Variants in JAK1 observed in about 807,000 individuals in gnomAD.
JAK1 encodes tyrosine-protein kinase JAK1.
Under a neutral mutation model 136.6 loss-of-function variants are expected in JAK1, and 16 were observed. That is an observed-to-expected ratio of 0.12 (90% CI 0.08 to 0.18). The LOEUF (loss-of-function observed/expected upper bound fraction) is 0.18, where lower values mean the gene tolerates loss of function less well. Among genes scored for constraint, JAK1 ranks in the 10% least tolerant of loss-of-function variants. The pLI is 1.00. For missense variants in JAK1, 859 were observed against 1,450.1 expected, an observed-to-expected ratio of 0.59 and a Z score of 6.62; for synonymous variants, 492 against 519.5, an observed-to-expected ratio of 0.95 and a Z score of 0.72.
intron 2 of JAK1, among the ~76,000 whole-genome samples, chr1:65,038,431 T>C (rs942537767): frequency 1.3e-5 from 2 of 151,942 alleles, no homozygotes; most frequent in Non-Finnish European, 2.9e-5. Context: ...ACTCCCGACC[T>C]CAGGTGATCT....
At chr1:64,853,647 C>G (rs891183178) in intron 11 of JAK1, among the ~76,000 whole-genome samples, 2 of 152,200 alleles carry the variant, frequency 1.3e-5, no homozygotes, top group African/African-American at 2.4e-5. Context: ...CTTACCATCT[C>G]AAGTCTCAAT....
chr1:64,973,187 A>AAAAGAAAGAAAGAAAGAAAAAG (rs144209441), intron 2 of JAK1: 1 of 147,174 alleles, frequency 6.8e-6, no homozygotes, highest in African/African-American at 2.6e-5. Flanking sequence ...GAAAGAAAGA[A>AAAAGAAAGAAAGAAAGAAAAAG]AAAGAAAGAA....
intron 1 of JAK1, among the ~76,000 whole-genome samples, chr1:64,901,372 T>C (rs921866551): frequency 6.6e-6 from 1 of 152,248 alleles, no homozygotes; most frequent in African/African-American, 2.4e-5. Context: ...TCTTATTTTC[T>C]ATTCTCTCCC....
intron 1 of JAK1, among the ~76,000 whole-genome samples, chr1:64,894,206 T>A (rs1034160048): frequency 6.6e-6 from 1 of 152,156 alleles, no homozygotes; most frequent in Admixed American, 6.5e-5. Context: ...CCATGAATGA[T>A]CTCAAGCCAC....
intron 8 of JAK1, 32 bp from the exon 9 acceptor site, chr1:64,860,294 A>C: frequency 6.4e-7 from 1 of 1,569,362 alleles, no homozygotes; most frequent in Non-Finnish European, 8.7e-7. Context: ...CCACGGTTAC[A>C]TCATGTCTCT....
intron 1 of JAK1, among the ~76,000 whole-genome samples, chr1:64,960,044 G>A (rs55795749): frequency 3.3e-5 from 5 of 152,180 alleles, no homozygotes; most frequent in Non-Finnish European, 5.9e-5. Flanking sequence ...CTGAATAACA[G>A]AATGAAACCT....
intron 2 of JAK1, chr1:64,973,602 C>G (rs1055618158): frequency 2.2e-5 from 3 of 138,968 alleles, no homozygotes; most frequent in Non-Finnish European, 4.6e-5. Context: ...TTAACAATCC[C>G]TTCCCTCGTC....
chr1:64,860,405 A>G (rs1656214342), intron 8 of JAK1, 143 bp from the exon 9 acceptor site: 2 of 388,668 alleles, frequency 5.1e-6, no homozygotes, highest in Non-Finnish European at 9.2e-6. Flanking sequence ...AATACTAAAT[A>G]TACCCCTTGC....
intron 2 of JAK1, among the ~76,000 whole-genome samples, chr1:65,012,691 C>T (rs1646858943): frequency 3.3e-5 from 5 of 151,564 alleles, no homozygotes; most frequent in Admixed American, 3.3e-4. Context: ...ACTGGGGAGG[C>T]TGAGGCAGGA....
intron 11 of JAK1, among the ~76,000 whole-genome samples, chr1:64,852,798 G>GC (rs1238375269): frequency 6.6e-6 from 1 of 152,190 alleles, no homozygotes; most frequent in Admixed American, 6.5e-5. Flanking sequence ...ATGGGATGAC[G>GC]CAAGGGAACG....
chr1:64,859,132 C>T (rs1022625864), intron 9 of JAK1, among the ~76,000 whole-genome samples: 4 of 152,218 alleles, frequency 2.6e-5, no homozygotes, highest in African/African-American at 9.6e-5. Context: ...TACCTGTCCA[C>T]AAGGCAGCCG....
chr1:64,862,206 TG>T (rs1472918282), intron 8 of JAK1, among the ~76,000 whole-genome samples: 1 of 152,192 alleles, frequency 6.6e-6, no homozygotes, highest in Non-Finnish European at 1.5e-5. Context: ...CCAGCTGCTC[TG>T]GGTTCAAATC....
intron 2 of JAK1, among the ~76,000 whole-genome samples, chr1:64,981,782 A>G (rs1215170275): frequency 1.3e-5 from 2 of 152,184 alleles, no homozygotes; most frequent in Non-Finnish European, 2.9e-5. Flanking sequence ...ACACTATTAC[A>G]CAGCAGGAAC....
At chr1:64,866,378 A>C (rs1299805447) in intron 7 of JAK1, among the ~76,000 whole-genome samples, 2 of 152,204 alleles carry the variant, frequency 1.3e-5, no homozygotes, top group African/African-American at 4.8e-5. Flanking sequence ...AGCTCCCATA[A>C]AGCAAAATCA....
At chr1:64,867,264 G>T in intron 6 of JAK1, 56 bp from the exon 7 acceptor site, 1 of 1,296,730 alleles carries the variant, frequency 7.7e-7, no homozygotes, top group Non-Finnish European at 1.1e-6. Flanking sequence ...GGAGAAAATA[G>T]TTTAGAAACA....
In JAK1 at chr1:64,984,550, C is replaced by A; in HGVS notation, c.-78+59930G>T. On this transcript the variant is annotated intron_variant, in intron 2 of 25. Coordinates refer to the JAK1 transcript ENST00000671954. The surrounding 1 kb of genome is among the most constrained non-coding windows in gnomAD (Gnocchi z 4.1). ...TGGGTTCATCCTTATGAGGTCTCTC[C>A]CTCATTCAGGGAGGTGGCTTTCCCT... is the stretch of plus-strand genomic sequence containing the variant. The A allele has an allele frequency of 2.8e-6, 1 of 363,270 alleles. No individual in the cohort carries two copies. The highest frequency in any genetic ancestry group is 5.4e-6 in the Non-Finnish European group (1 of 183,572). 22.5% of individuals were successfully genotyped at this position (363,270 alleles called of 1,614,324 possible).
intron 2 of JAK1, among the ~76,000 whole-genome samples, chr1:64,975,999 G>A (rs1472709182): frequency 4.6e-5 from 7 of 152,210 alleles, no homozygotes; most frequent in African/African-American, 1.7e-4. Flanking sequence ...TGAGTTTGGG[G>A]ACCAGGATCT....
intron 1 of JAK1, among the ~76,000 whole-genome samples, chr1:64,913,545 G>A (rs116209076): frequency 6.8e-6 from 1 of 146,438 alleles, no homozygotes; most frequent in Non-Finnish European, 1.5e-5. Flanking sequence ...TCATTCAATA[G>A]TTACAACATG....
At chr1:64,905,474 G>A (rs998147202) in intron 1 of JAK1, among the ~76,000 whole-genome samples, 6 of 152,080 alleles carry the variant, frequency 3.9e-5, no homozygotes, top group African/African-American at 1.4e-4. Flanking sequence ...ATAGCTCATG[G>A]ATCCTACTGC....
Sources: allele counts gnomAD v4.1 joint callset (sites outside exome capture counted in the v4.1 genomes callset), GRCh38; gene constraint gnomAD v4.1.1; non-coding constraint Gnocchi (gnomAD v3.1); transcripts MANE v1.5; gene names NCBI Gene and HGNC (gene_info 2026-07-23, HGNC 2026-07-21).